The following PTPN14 variants were observed in gnomAD, a reference collection of about 807,000 sequenced individuals.
The protein encoded by PTPN14 is tyrosine-protein phosphatase non-receptor type 14.
Under a neutral mutation model 126.8 loss-of-function variants are expected in PTPN14, and 53 were observed. The ratio of observed to expected loss-of-function variants is 0.42; its 90% CI spans 0.34 to 0.53. The LOEUF is 0.53. Ranked by LOEUF, PTPN14 falls within the 20% of genes least tolerant of loss-of-function variation. The pLI is 0.08. For synonymous variants in PTPN14, 630 were observed against 599.3 expected (o/e 1.05, Z -0.75); for missense variants, 1,257 against 1,552.9 (o/e 0.81, Z 3.20).
chr1:214,406,438 G>A (rs1221210864), intron 5 of PTPN14, among the ~76,000 whole-genome samples: 6 of 149,354 alleles, frequency 4.0e-5, no homozygotes, highest in African/African-American at 7.4e-5. Flanking sequence ...CTGAGATTGC[G>A]CCACCGCACT....
intron 1 of PTPN14, among the ~76,000 whole-genome samples, chr1:214,506,176 T>C (rs151024373): frequency 2.8e-4 from 42 of 152,242 alleles, no homozygotes; most frequent in African/African-American, 9.9e-4. Flanking sequence ...TTCTCAGAAC[T>C]GGGAAGAGCC....
chr1:214,489,019 C>A (rs1297393510), intron 1 of PTPN14, among the ~76,000 whole-genome samples: 1 of 152,162 alleles, frequency 6.6e-6, no homozygotes, highest in East Asian at 1.9e-4. Flanking sequence ...AAGGCTGCAT[C>A]GAAAGACAAC....
At chr1:214,443,119 A>G (rs1660071680) in intron 3 of PTPN14, among the ~76,000 whole-genome samples, 1 of 152,178 alleles carries the variant, frequency 6.6e-6, no homozygotes, top group Non-Finnish European at 1.5e-5. Context: ...CACCGCGCCC[A>G]GCCTAACTGC....
chr1:214,481,930 C>T (rs907706072), intron 1 of PTPN14, among the ~76,000 whole-genome samples: 2 of 149,908 alleles, frequency 1.3e-5, no homozygotes, highest in East Asian at 2.0e-4. Context: ...GAGCTTGCAG[C>T]GAGCCCAGAT....
chr1:214,430,523 T>C (rs968247854), intron 3 of PTPN14, among the ~76,000 whole-genome samples: 1 of 152,218 alleles, frequency 6.6e-6, no homozygotes, highest in East Asian at 1.9e-4. Context: ...TGTCACAATA[T>C]GAATGGGTCT....
chr1:214,406,130 A>G (rs535240789), intron 5 of PTPN14, among the ~76,000 whole-genome samples: 1 of 152,320 alleles, frequency 6.6e-6, no homozygotes, highest in South Asian at 2.1e-4. Context: ...AAAGTGTTCC[A>G]TATCTGAGCT....
Position 214,351,342 on chromosome 1 carries a change from T to C in PTPN14, c.*6580A>G, listed in dbSNP as rs1479600713. The stretch of plus-strand genomic sequence containing the variant: ...AAAAAAAAAGGCAGCAGACCCTAAG[T>C]GAACAAGGTGCTCATGGAATGAAGA... On this transcript the variant is annotated 3_prime_UTR_variant, in exon 19 of 19. Transcript: ENST00000366956. The C allele has an allele frequency of 5.7e-5, 8 of 139,866 alleles. No homozygotes were observed. The South Asian group carries it at 1.8e-3, about 32-fold the overall frequency. The allele number at this position is 139,866 out of a possible 1,614,324, so 8.7% of individuals were successfully genotyped here. A position where few individuals can be genotyped will look rare whatever the true frequency, so the allele number is the denominator to read the frequency against.
In PTPN14 at chr1:214,544,687, G is replaced by C. The variant is rs377570000; in HGVS notation, c.-155+6496C>G. Reference sequence around the variant, plus strand: ...AATCGCTTGAACCTGGGAGGTGGAGGTTGCAGTGAGCCGAGATAGCACCAC... The same window carrying C: ...AATCGCTTGAACCTGGGAGGTGGAGCTTGCAGTGAGCCGAGATAGCACCAC... On this transcript the variant is annotated intron_variant, in intron 1 of 18. Coordinates refer to ENST00000366956, the MANE Select transcript of PTPN14 (RefSeq NM_005401.5). Among the ~76,000 whole-genome samples the C allele has an allele frequency of 2.3e-4, 35 of 152,130 alleles. No homozygotes were observed. In the East Asian group the frequency reaches 6.6e-3, roughly 29 times the overall value.
At chr1:214,425,572 G>C (rs562884623) in intron 3 of PTPN14, among the ~76,000 whole-genome samples, 7 of 152,206 alleles carry the variant, frequency 4.6e-5, no homozygotes, top group African/African-American at 1.7e-4. Flanking sequence ...TCACATTAAA[G>C]CAGGATATTA....
intron 2 of PTPN14, among the ~76,000 whole-genome samples, chr1:214,463,181 A>G (rs1660551246): frequency 6.6e-6 from 1 of 152,234 alleles, no homozygotes; most frequent in Non-Finnish European, 1.5e-5. Context: ...AGTGACTGGA[A>G]GTACTTAAAA....
Position 214,377,994 on chromosome 1 carries a change from G to A in PTPN14, c.2653C>T (p.Arg885Ter). The A allele has an allele frequency of 2.5e-6, 4 of 1,613,258 alleles. No individual in the cohort carries two copies. Among genetic ancestry groups the A allele is most frequent in the Non-Finnish European group, 3.4e-6 (4 of 1,179,834 alleles). ...ATGGGAACCCGGGTGGCATCAACTC[G>A]ATTCTCTTCCCGCCCTGAGACTCGA... ...VARVSGREEN[R>*]VDATRVPMDE... is the part of the protein sequence containing the mutation. Residue 885 changes from arginine (R) to a stop codon, truncating the protein, a stop_gained, in exon 14 of 19, where the codon CGA (arginine) becomes TGA (stop). Transcript: ENST00000366956. LOFTEE classifies it high-confidence loss of function.
chr1:214,394,813 G>T (rs2102554539), intron 9 of PTPN14, 86 bp downstream of exon 9: 2 of 1,150,902 alleles, frequency 1.7e-6, no homozygotes, highest in African/African-American at 1.5e-5. Context: ...TCTCAAGATA[G>T]GGAGAGCAAG....
chr1:214,516,431 TAA>T (rs1655105032), intron 1 of PTPN14, among the ~76,000 whole-genome samples: 1 of 152,174 alleles, frequency 6.6e-6, no homozygotes, highest in Non-Finnish European at 1.5e-5. Context: ...GAAATATATT[TAA>T]AAGAGTCATC....
intron 1 of PTPN14, among the ~76,000 whole-genome samples, chr1:214,539,334 AG>A (rs1655783608): frequency 6.6e-6 from 1 of 152,194 alleles, no homozygotes; most frequent in Non-Finnish European, 1.5e-5. Context: ...ATTTACTGCA[AG>A]ACTTCTCAGA....
At chr1:214,424,082 G>T (rs1659605164) in intron 3 of PTPN14, among the ~76,000 whole-genome samples, 1 of 152,082 alleles carries the variant, frequency 6.6e-6, no homozygotes, top group African/African-American at 2.4e-5. Context: ...TGGATCACAA[G>T]GTCAGGAGTT....
intron 1 of PTPN14, among the ~76,000 whole-genome samples, chr1:214,545,938 G>A (rs1376543381): frequency 6.6e-6 from 1 of 152,052 alleles, no homozygotes; most frequent in Non-Finnish European, 1.5e-5. Context: ...GGAGACGATA[G>A]CCAAGGAGAT....
intron 4 of PTPN14, among the ~76,000 whole-genome samples, chr1:214,413,196 G>A (rs1659348751): frequency 6.6e-6 from 1 of 152,096 alleles, no homozygotes; most frequent in Non-Finnish European, 1.5e-5. Flanking sequence ...CTTTTTAAAA[G>A]AAGAAAGACC....
At chr1:214,443,683 T>C (rs949815400) in intron 3 of PTPN14, among the ~76,000 whole-genome samples, 3 of 152,036 alleles carry the variant, frequency 2.0e-5, no homozygotes, top group Admixed American at 2.0e-4. Flanking sequence ...AAATGCAGAA[T>C]CCACTGTTGA....
intron 3 of PTPN14, among the ~76,000 whole-genome samples, chr1:214,442,054 T>C (rs1041699951): frequency 6.6e-6 from 1 of 152,212 alleles, no homozygotes; most frequent in Admixed American, 6.5e-5. Context: ...ATTTTCAAAA[T>C]AGCTCAATAG....
Sources: allele counts gnomAD v4.1 joint callset (sites outside exome capture counted in the v4.1 genomes callset), GRCh38; gene constraint gnomAD v4.1.1; transcripts MANE v1.5; gene names NCBI Gene and HGNC (gene_info 2026-07-23, HGNC 2026-07-21).